RELN: variants seen among roughly 807,000 people sequenced by gnomAD.
The protein encoded by RELN is reelin.
A neutral mutation model predicts 427.6 loss-of-function variants in RELN; 108 were observed. The observed-to-expected ratio is 0.25, with a 90% CI of 0.22 to 0.30. The LOEUF (loss-of-function observed/expected upper bound fraction) is 0.30. Ranked by LOEUF, RELN falls within the 10% of genes least tolerant of loss-of-function variation. RELN has a pLI of 1.00. For synonymous variants in RELN, 1,524 were observed against 1,513.4 expected (o/e 1.01, Z -0.16); for missense variants, 3,715 against 4,302.8 (o/e 0.86, Z 3.82).
Position 103,989,552 on chromosome 7 carries a change from T to C in RELN, c.-196A>G. 4 of 443,256 alleles carry C rather than the reference T, an allele frequency of 9.0e-6. No individual in the cohort carries two copies. The highest frequency in any genetic ancestry group is 3.7e-6 in the Non-Finnish European group (1 of 270,278). The allele number at this position is 443,256 out of a possible 1,614,324, so 27.5% of individuals were successfully genotyped here. A position where few individuals can be genotyped will look rare whatever the true frequency, so the allele number is the denominator to read the frequency against. On this transcript the variant is annotated 5_prime_UTR_variant, in exon 1 of 65. Transcript: ENST00000428762. This position sits in a 1 kb window ranked among gnomAD's most constrained non-coding sequence, Gnocchi z 4.9. Reference sequence around the variant, plus strand: ...GGAGACGGCGGCTCCCAAAGTTACTTTGGGCCGCGGGAGCGCGGGACCGGG... The same window carrying C: ...GGAGACGGCGGCTCCCAAAGTTACTCTGGGCCGCGGGAGCGCGGGACCGGG...
intron 2 of RELN, among the ~76,000 whole-genome samples, chr7:103,868,342 A>G (rs1177659504): frequency 6.6e-6 from 1 of 152,140 alleles, no homozygotes; most frequent in Non-Finnish European, 1.5e-5. Flanking sequence ...CTGTGTTAAG[A>G]TAAGTCAATT....
chr7:103,522,693 A>G (rs1287481408), intron 47 of RELN, among the ~76,000 whole-genome samples: 1 of 152,198 alleles, frequency 6.6e-6, no homozygotes, highest in Non-Finnish European at 1.5e-5. Context: ...GCATATGAAT[A>G]TAGGACTGGG....
intron 10 of RELN, among the ~76,000 whole-genome samples, chr7:103,687,617 T>C (rs1239178076): frequency 6.6e-6 from 1 of 152,192 alleles, no homozygotes; most frequent in East Asian, 1.9e-4. Flanking sequence ...AATGTCACTA[T>C]GCAAGCTATT....
At position 103,594,512 on chromosome 7, in the gene RELN, T is replaced by C. The variant is rs1390416603; in HGVS notation, c.3540-20A>G. ...ACAAATCTGAATAAAAGTAAATCATTTACGGTTGGGAAAACAAAAGCTGTG... is the reference window on the plus strand; with the variant it reads ...ACAAATCTGAATAAAAGTAAATCATCTACGGTTGGGAAAACAAAAGCTGTG... On this transcript the variant is annotated intron_variant, in intron 25 of 64. Coordinates refer to ENST00000428762, the MANE Select transcript of RELN (RefSeq NM_005045.4). 4 of 1,612,286 alleles carry C rather than the reference T, an allele frequency of 2.5e-6. No homozygotes were observed. The East Asian group carries it at 6.7e-5, about 27-fold the overall frequency.
intron 1 of RELN, among the ~76,000 whole-genome samples, chr7:103,986,490 A>G (rs1304612716): frequency 6.6e-6 from 1 of 152,082 alleles, no homozygotes; most frequent in Non-Finnish European, 1.5e-5. Flanking sequence ...TTTATTCTAG[A>G]CTGGCAATTG....
At chr7:103,600,160 G>C (rs777211995) in intron 24 of RELN, among the ~76,000 whole-genome samples, 5 of 152,144 alleles carry the variant, frequency 3.3e-5, no homozygotes, top group Non-Finnish European at 5.9e-5. Context: ...GCCTCACAAA[G>C]TGCTAGAACT....
At chr7:103,729,784 G>A (rs1790306672) in intron 6 of RELN, among the ~76,000 whole-genome samples, 1 of 152,044 alleles carries the variant, frequency 6.6e-6, no homozygotes, top group African/African-American at 2.4e-5. Context: ...CATTTTAAAG[G>A]TCTGAGGTCT....
chr7:103,741,734 T>C (rs1790664791), intron 6 of RELN, among the ~76,000 whole-genome samples: 1 of 151,838 alleles, frequency 6.6e-6, no homozygotes, highest in Non-Finnish European at 1.5e-5. Flanking sequence ...GTGATGGGTA[T>C]TGAGCACCTA....
intron 3 of RELN, among the ~76,000 whole-genome samples, chr7:103,819,362 AAAAAAC>A (rs1278401739): frequency 2.0e-5 from 3 of 152,150 alleles, no homozygotes; most frequent in East Asian, 1.9e-4. Context: ...TGCTTTTACA[AAAAAAC>A]AAAAACAAAA....
chr7:103,957,210 GAA>G (rs143833424), intron 1 of RELN, among the ~76,000 whole-genome samples: 106,823 of 151,944 alleles, frequency 0.7, 38,439 homozygotes, highest in African/African-American at 0.87. Flanking sequence ...TGTCTCAAGT[GAA>G]AAAAGACGAC....
chr7:103,808,381 C>T (rs766978025), intron 3 of RELN, among the ~76,000 whole-genome samples: 56 of 151,778 alleles, frequency 3.7e-4, no homozygotes, highest in Middle Eastern at 3.4e-3. Context: ...CTGCATGTTG[C>T]GCACGTGTAC....
At chr7:103,882,190 A>C (rs559701607) in intron 2 of RELN, among the ~76,000 whole-genome samples, 1 of 152,320 alleles carries the variant, frequency 6.6e-6, no homozygotes, top group Admixed American at 6.5e-5. Flanking sequence ...TTCTGGAGCA[A>C]CTTTCCAATC....
rs115980694 is a variant in RELN at position 103,825,644 on chromosome 7, G to A, written c.473+7893C>T. On this transcript the variant is annotated intron_variant, in intron 3 of 64. Coordinates refer to ENST00000428762, the MANE Select transcript of RELN (RefSeq NM_005045.4). The stretch of plus-strand genomic sequence containing the variant: ...TTTGGGGAAATGATAACAGATTATC[G>A]AATCTTGTGCTACACAACAGAACTT... 5.4e-3 allele frequency among the ~76,000 whole-genome samples: 820 copies of A among 152,090 alleles called. 12 individuals carry two copies. Among genetic ancestry groups the A allele is most frequent in the African/African-American group, 0.019 (782 of 41,504 alleles).
chr7:103,775,186 A>G (rs377745238), intron 4 of RELN, among the ~76,000 whole-genome samples: 2 of 152,140 alleles, frequency 1.3e-5, no homozygotes, highest in African/African-American at 4.8e-5. Flanking sequence ...CTATATTTTC[A>G]GTAATGTGAG....
intron 7 of RELN, among the ~76,000 whole-genome samples, chr7:103,726,092 C>T (rs559829680): frequency 8.5e-5 from 13 of 152,230 alleles, no homozygotes; most frequent in African/African-American, 2.2e-4. Context: ...ACAATTTTGA[C>T]GGCATTCAGT....
At chr7:103,661,272 T>C in intron 12 of RELN, 104 bp downstream of exon 12, 1 of 1,296,374 alleles carries the variant, frequency 7.7e-7, no homozygotes, top group East Asian at 2.3e-5. Context: ...GTTTCATGAA[T>C]TTTCATTTTA....
At chr7:103,594,801 A>T (rs1413851225) in intron 25 of RELN, among the ~76,000 whole-genome samples, 5 of 152,234 alleles carry the variant, frequency 3.3e-5, no homozygotes, top group Non-Finnish European at 7.3e-5. Flanking sequence ...TTTTAAAGAA[A>T]TATCAAGATA....
At chr7:103,677,248 A>C (rs1339469939) in intron 11 of RELN, among the ~76,000 whole-genome samples, 2 of 140,574 alleles carry the variant, frequency 1.4e-5, no homozygotes, top group South Asian at 5.1e-4. Flanking sequence ...AACATCATAC[A>C]CTAGGATCTG....
intron 57 of RELN, among the ~76,000 whole-genome samples, chr7:103,493,190 G>C (rs1470835624): frequency 6.6e-6 from 1 of 152,172 alleles, no homozygotes; most frequent in African/African-American, 2.4e-5. Flanking sequence ...TTAGTCAACT[G>C]TTGATTTAGT....
Sources: allele counts gnomAD v4.1 joint callset (sites outside exome capture counted in the v4.1 genomes callset), GRCh38; gene constraint gnomAD v4.1.1; non-coding constraint Gnocchi (gnomAD v3.1); transcripts MANE v1.5; gene names NCBI Gene and HGNC (gene_info 2026-07-23, HGNC 2026-07-21).